The following TPO variants were observed in gnomAD, a reference collection of about 807,000 sequenced individuals.
TPO encodes thyroid peroxidase, also known as thyroid microsomal antigen.
TPO carries 78 observed loss-of-function variants against 96.9 expected under a neutral mutation model. The observed-to-expected ratio is 0.81, with a 90% CI of 0.67 to 0.97. The LOEUF is 0.97. Ranked by LOEUF, TPO falls within the 50% of genes least tolerant of loss-of-function variation. The pLI is 0.00. For synonymous variants in TPO, 547 were observed against 538.0 expected, an observed-to-expected ratio of 1.02 and a Z score of -0.23; for missense variants, 1,252 against 1,274.8, an observed-to-expected ratio of 0.98 and a Z score of 0.27.
At chr2:1,541,314 C>T (rs188262100) in intron 16 of TPO, 207 of 432,902 alleles carry the variant, frequency 4.8e-4, no homozygotes, top group African/African-American at 4.1e-3. Context: ...GCATGGGGCG[C>T]ACGCTTCCTC....
intron 7 of TPO, among the ~76,000 whole-genome samples, chr2:1,459,547 C>T (rs2148610515): frequency 6.6e-6 from 1 of 152,290 alleles, no homozygotes; most frequent in South Asian, 2.1e-4. Context: ...TATTCTGTGC[C>T]ATGCTGTGCT....
At chr2:1,468,180 A>T (rs1669080304) in intron 7 of TPO, among the ~76,000 whole-genome samples, 1 of 151,988 alleles carries the variant, frequency 6.6e-6, no homozygotes, top group Non-Finnish European at 1.5e-5. Context: ...GACCATTTAC[A>T]TTCAATGTTA....
intron 2 of TPO, 36 bp downstream of exon 2, chr2:1,414,538 T>C: frequency 6.3e-7 from 1 of 1,596,624 alleles, no homozygotes; most frequent in Non-Finnish European, 8.6e-7. Flanking sequence ...TCTGGCCTTA[T>C]AAAGTTATTT....
intron 4 of TPO, among the ~76,000 whole-genome samples, chr2:1,434,677 G>A (rs576634023): frequency 3.3e-5 from 5 of 152,262 alleles, no homozygotes; most frequent in South Asian, 2.1e-4. Flanking sequence ...TGTAGACATC[G>A]ATGTTTAGGA....
intron 1 of TPO, among the ~76,000 whole-genome samples, chr2:1,390,162 C>G (rs1002222051): frequency 1.3e-5 from 2 of 151,562 alleles, no homozygotes; most frequent in Non-Finnish European, 1.5e-5. Flanking sequence ...AATGCTATCC[C>G]CCCCCAGCTC....
intron 15 of TPO, among the ~76,000 whole-genome samples, chr2:1,535,867 C>T (rs544199188): frequency 0.034 from 2,429 of 71,420 alleles, 423 homozygotes; most frequent in African/African-American, 0.12. Flanking sequence ...ATCCCCCCAA[C>T]TTTGTGCAAC....
intron 1 of TPO, among the ~76,000 whole-genome samples, chr2:1,392,087 T>G (rs1662009834): frequency 6.6e-6 from 1 of 152,224 alleles, no homozygotes; most frequent in Non-Finnish European, 1.5e-5. Context: ...CATCCTTGTC[T>G]TGTGCCAGTT....
chr2:1,391,815 TTGTC>T (rs1284129517), intron 1 of TPO, among the ~76,000 whole-genome samples: 1 of 152,214 alleles, frequency 6.6e-6, no homozygotes, highest in Non-Finnish European at 1.5e-5. Context: ...GGCTCTCTGT[TTGTC>T]TGTTGTTGGT....
At chr2:1,511,718 T>G (rs2125050811) in intron 14 of TPO, among the ~76,000 whole-genome samples, 1 of 152,312 alleles carries the variant, frequency 6.6e-6, no homozygotes, top group Middle Eastern at 3.4e-3. Flanking sequence ...CATAAGGACA[T>G]AGCTGCCTTG....
chr2:1,422,390 C>CCTCT (rs1157281363), intron 2 of TPO, among the ~76,000 whole-genome samples: 4 of 150,778 alleles, frequency 2.7e-5, no homozygotes, highest in African/African-American at 7.3e-5. Flanking sequence ...GCAGGCGCCG[C>CCTCT]GCTGGGCCAT....
intron 3 of TPO, among the ~76,000 whole-genome samples, chr2:1,433,009 G>A (rs1233093995): frequency 1.3e-5 from 2 of 152,208 alleles, no homozygotes. Context: ...GAAGAAGTTG[G>A]AGCTGGGACA....
intron 1 of TPO, among the ~76,000 whole-genome samples, chr2:1,383,546 A>G (rs188854349): frequency 1.7e-4 from 26 of 152,282 alleles, no homozygotes; most frequent in African/African-American, 5.5e-4. Flanking sequence ...GTCTGTTCAT[A>G]TGCTTTGCCC....
chr2:1,510,033 CT>C (rs976053312), intron 14 of TPO, among the ~76,000 whole-genome samples: 1 of 152,132 alleles, frequency 6.6e-6, no homozygotes, highest in Non-Finnish European at 1.5e-5. Flanking sequence ...GCATTTCCCC[CT>C]CACACTCATT....
intron 3 of TPO, among the ~76,000 whole-genome samples, chr2:1,430,999 T>C (rs1664921824): frequency 6.6e-6 from 1 of 152,190 alleles, no homozygotes; most frequent in Non-Finnish European, 1.5e-5. Flanking sequence ...TGGGGGACTG[T>C]TGCGAATGCG....
chr2:1,402,655 C>T (rs945219818), intron 1 of TPO, among the ~76,000 whole-genome samples: 1 of 152,020 alleles, frequency 6.6e-6, no homozygotes, highest in East Asian at 1.9e-4. Context: ...AAAATAAGAG[C>T]CAAGCAAAGG....
intron 15 of TPO, among the ~76,000 whole-genome samples, chr2:1,517,951 A>G (rs1674878625): frequency 6.9e-6 from 1 of 145,174 alleles, no homozygotes; most frequent in South Asian, 2.2e-4. Context: ...CCCCCCCCCA[A>G]TATGCCCTGT....
chr2:1,430,923 G>A (rs1019687781), intron 3 of TPO, among the ~76,000 whole-genome samples: 1 of 152,170 alleles, frequency 6.6e-6, no homozygotes, highest in Non-Finnish European at 1.5e-5. Context: ...TAGGTAGAAG[G>A]ACCTCATCTC....
rs146249138 is a variant in TPO at position 1,433,745 on chromosome 2, T to G, written c.349+138T>G. Reference sequence around the variant, plus strand: ...ATGGGACTCCAGCTCTTTCAAAGCATACAAGCTGCAATTTTTAAAAATGCT... The same window carrying G: ...ATGGGACTCCAGCTCTTTCAAAGCAGACAAGCTGCAATTTTTAAAAATGCT... On this transcript the variant is annotated intron_variant, in intron 4 of 16. Coordinates refer to ENST00000329066, the MANE Select transcript of TPO (RefSeq NM_001206744.2). 2.6e-4 allele frequency: 255 copies of G among 983,256 alleles called. No homozygotes were observed. The African/African-American group carries it at 3.7e-3, about 14-fold the overall frequency. The allele number at this position is 983,256 out of a possible 1,614,324, so 60.9% of individuals were successfully genotyped here. A position where few individuals can be genotyped will look rare whatever the true frequency, so the allele number is the denominator to read the frequency against.
intron 13 of TPO, among the ~76,000 whole-genome samples, chr2:1,497,895 G>A (rs951966346): frequency 6.6e-6 from 1 of 151,230 alleles, no homozygotes; most frequent in Non-Finnish European, 1.5e-5. Flanking sequence ...AGATGAAAGA[G>A]TCCTGGAGCC....
Sources: allele counts gnomAD v4.1 joint callset (sites outside exome capture counted in the v4.1 genomes callset), GRCh38; gene constraint gnomAD v4.1.1; transcripts MANE v1.5; gene names NCBI Gene and HGNC (gene_info 2026-07-23, HGNC 2026-07-21).